STAU2: variants seen among roughly 807,000 people sequenced by gnomAD.
STAU2 encodes staufen double-stranded RNA binding protein 2.
In STAU2, 20 loss-of-function variants were observed where a neutral mutation model predicts 65.9. The observed-to-expected ratio is 0.30, with a 90% CI of 0.21 to 0.44. The LOEUF is 0.44. Ranked by LOEUF, STAU2 falls within the 20% of genes least tolerant of loss-of-function variation. The probability of loss-of-function intolerance (pLI) is 1.00; values close to 1 mark genes in which losing one functional copy is unlikely to be tolerated. For missense variants in STAU2, 558 were observed against 683.9 expected (o/e 0.82, Z 2.05); for synonymous variants, 232 against 233.9 (o/e 0.99, Z 0.07).
intron 6 of STAU2, among the ~76,000 whole-genome samples, chr8:73,634,963 C>A (rs1044865166): frequency 6.6e-6 from 1 of 152,166 alleles, no homozygotes; most frequent in Non-Finnish European, 1.5e-5. Flanking sequence ...TCTATCTCCC[C>A]CAACTAGAAT....
At chr8:73,662,599 TTTGTTGTTGTTG>T (rs370019142) in intron 6 of STAU2, among the ~76,000 whole-genome samples, 62 of 150,700 alleles carry the variant, frequency 4.1e-4, no homozygotes, top group African/African-American at 1.3e-3. Flanking sequence ...TTCAGGGGTT[TTTGTTGTTGTTG>T]TTGTTGTTGT....
chr8:73,455,408 T>A (rs531071426), intron 13 of STAU2, among the ~76,000 whole-genome samples: 1 of 151,848 alleles, frequency 6.6e-6, no homozygotes, highest in African/African-American at 2.4e-5. Flanking sequence ...AGGTTGGGAG[T>A]CAAAGGCCAT....
At chr8:73,489,728 C>T (rs1238090774) in intron 13 of STAU2, among the ~76,000 whole-genome samples, 1 of 152,050 alleles carries the variant, frequency 6.6e-6, no homozygotes, top group Non-Finnish European at 1.5e-5. Context: ...CGTTACATAA[C>T]TGAAATTCAG....
intron 5 of STAU2, among the ~76,000 whole-genome samples, chr8:73,678,905 G>C (rs899795557): frequency 6.6e-5 from 10 of 152,166 alleles, no homozygotes; most frequent in African/African-American, 2.2e-4. Flanking sequence ...TGAAAGAGCA[G>C]AGAATGTCAA....
At position 73,436,809 on chromosome 8, in the gene STAU2, A is replaced by C. The variant is rs1264132682; in HGVS notation, c.1531-14107T>G. ...ACCATGTTGGCCGGGCTGGTCTCAA[A>C]CTCCTGACCTCAGGTGATCTGCCCG... On this transcript the variant is annotated intron_variant, in intron 13 of 14. Coordinates refer to ENST00000524300, the MANE Select transcript of STAU2 (RefSeq NM_001164380.2). Among the ~76,000 whole-genome samples the C allele has an allele frequency of 2.0e-5, 3 of 151,214 alleles. No individual in the cohort carries two copies. In the East Asian group the frequency reaches 5.8e-4, roughly 29 times the overall value.
chr8:73,435,005 C>T lies in STAU2; in HGVS notation c.1531-12303G>A, dbSNP rs931451705. Reference sequence around the variant, plus strand: ...GCCAGTCCATTTCCCAGAGTGTGAACCCCAACCCAGGAGACCAGTCCCTAG... The same window carrying T: ...GCCAGTCCATTTCCCAGAGTGTGAATCCCAACCCAGGAGACCAGTCCCTAG... On this transcript the variant is annotated intron_variant, in intron 13 of 14. Transcript: ENST00000524300. Among the ~76,000 whole-genome samples the T allele has an allele frequency of 1.4e-4, 21 of 151,834 alleles. 1 individual carries two copies. The highest frequency in any genetic ancestry group is 5.1e-4 in the African/African-American group (21 of 41,120).
At chr8:73,506,890 C>G (rs1281673138) in intron 13 of STAU2, among the ~76,000 whole-genome samples, 1 of 152,182 alleles carries the variant, frequency 6.6e-6, no homozygotes, top group African/African-American at 2.4e-5. Context: ...GTATCTTCAC[C>G]AGGAGTAGAT....
chr8:73,449,898 C>T (rs561022521), intron 13 of STAU2, among the ~76,000 whole-genome samples: 2 of 152,326 alleles, frequency 1.3e-5, no homozygotes, highest in South Asian at 2.1e-4. Flanking sequence ...ACTATCTGGA[C>T]CCAGCCCGTT....
At chr8:73,472,101 GT>G (rs1820067415) in intron 13 of STAU2, among the ~76,000 whole-genome samples, 1 of 152,206 alleles carries the variant, frequency 6.6e-6, no homozygotes, top group Non-Finnish European at 1.5e-5. Flanking sequence ...AGTGTGTGGT[GT>G]GATAGGACAG....
chr8:73,539,236 T>C (rs1226752257), intron 13 of STAU2, among the ~76,000 whole-genome samples: 1 of 152,164 alleles, frequency 6.6e-6, no homozygotes, highest in African/African-American at 2.4e-5. Flanking sequence ...TTACTTGCCA[T>C]AGAATAAACA....
chr8:73,680,791 G>A (rs958325928), intron 5 of STAU2, among the ~76,000 whole-genome samples: 12 of 151,836 alleles, frequency 7.9e-5, no homozygotes, highest in African/African-American at 1.9e-4. Flanking sequence ...TTCTGAAAAT[G>A]AAAGACACAC....
chr8:73,683,695 T>C (rs1166585083), intron 5 of STAU2, among the ~76,000 whole-genome samples: 1 of 152,136 alleles, frequency 6.6e-6, no homozygotes, highest in African/African-American at 2.4e-5. Flanking sequence ...GATATGATCG[T>C]ATACCTAGAA....
intron 1 of STAU2, 100 bp from the exon 2 acceptor site, chr8:73,739,968 G>C (rs781593244): frequency 1.6e-6 from 1 of 636,620 alleles, no homozygotes; most frequent in East Asian, 2.8e-5. Context: ...TGCTCAGAGG[G>C]AGGCAGATGC....
rs192591643 is a variant in STAU2 at position 73,545,570 on chromosome 8, T to C, written c.1530+6442A>G. 2.6e-5 allele frequency among the ~76,000 whole-genome samples: 4 copies of C among 152,138 alleles called. No individual in the cohort carries two copies. The East Asian group carries it at 7.7e-4, about 29-fold the overall frequency. ...TTGATGTATGTATTCCCAAATGTGT[T>C]TACATATAAAATTTTACATTAGAAT... is the stretch of plus-strand genomic sequence containing the variant. On this transcript the variant is annotated intron_variant, in intron 13 of 14. Transcript: ENST00000524300.
rs1361508570 is a variant in STAU2, at chr8:73,720,758, C to T, written c.-17-11596G>A. Among the ~76,000 whole-genome samples the T allele has an allele frequency of 6.3e-5, 9 of 143,462 alleles. 1 individual carries two copies. The highest frequency in any genetic ancestry group is 1.1e-4 in the African/African-American group (4 of 37,982). The allele number at this position is 143,462 out of a possible 152,430, so 94.1% of individuals were successfully genotyped here. ...CGATCTCCTGACCTCATGATCCACCCGCCTCGGCCTCCCAAAGTGCTGGGA... is the reference window on the plus strand; with the variant it reads ...CGATCTCCTGACCTCATGATCCACCTGCCTCGGCCTCCCAAAGTGCTGGGA... On this transcript the variant is annotated intron_variant, in intron 3 of 14. Coordinates refer to ENST00000524300, the MANE Select transcript of STAU2 (RefSeq NM_001164380.2).
chr8:73,445,454 C>T (rs1274420974), intron 13 of STAU2, among the ~76,000 whole-genome samples: 1 of 151,988 alleles, frequency 6.6e-6, no homozygotes, highest in Non-Finnish European at 1.5e-5. Context: ...AAACAAAAAA[C>T]AAAATTTTAA....
At chr8:73,454,873 C>A (rs1299102705) in intron 13 of STAU2, among the ~76,000 whole-genome samples, 3 of 152,150 alleles carry the variant, frequency 2.0e-5, no homozygotes, top group Non-Finnish European at 4.4e-5. Context: ...CCCCACAAGA[C>A]AATGGTGCCC....
intron 13 of STAU2, among the ~76,000 whole-genome samples, chr8:73,433,989 T>C (rs1403840228): frequency 1.3e-5 from 2 of 151,644 alleles, no homozygotes; most frequent in Non-Finnish European, 2.9e-5. Flanking sequence ...ACACATTACT[T>C]CCCATGGCAA....
intron 6 of STAU2, among the ~76,000 whole-genome samples, chr8:73,672,645 A>G (rs933476066): frequency 2.6e-5 from 4 of 152,226 alleles, no homozygotes; most frequent in African/African-American, 9.6e-5. Context: ...ACATGAAAAT[A>G]TAAAAGGTGG....
Sources: gnomAD v4.1 joint callset for allele counts (sites outside exome capture counted in the v4.1 genomes callset) on GRCh38, gnomAD v4.1.1 for gene constraint, MANE v1.5 for transcripts, NCBI Gene and HGNC (gene_info 2026-07-23, HGNC 2026-07-21) for gene names.